ATL2: variants seen among roughly 807,000 people sequenced by gnomAD.
The protein encoded by ATL2 is atlastin GTPase 2, also known as atlastin-2.
ATL2 carries 31 observed loss-of-function variants against 73.9 expected under a neutral mutation model. That is an observed-to-expected ratio of 0.42 (90% CI 0.32 to 0.57). The LOEUF is 0.57. Among genes scored for constraint, ATL2 ranks in the 20% least tolerant of loss-of-function variants. The pLI, the probability that ATL2 is intolerant of heterozygous loss-of-function variation, is 0.14. For missense variants in ATL2, 738 were observed against 702.6 expected, an observed-to-expected ratio of 1.05 and a Z score of -0.57; for synonymous variants, 291 against 237.5, an observed-to-expected ratio of 1.23 and a Z score of -2.07.
chr2:38,321,934 A>G (rs900415578), intron 2 of ATL2, among the ~76,000 whole-genome samples: 1 of 151,996 alleles, frequency 6.6e-6, no homozygotes, highest in Non-Finnish European at 1.5e-5. Flanking sequence ...GCTGATAACA[A>G]TCCATCTTTA....
chr2:38,310,212 G>T lies in ATL2; in HGVS notation c.943+97C>A. The T allele has an allele frequency of 2.9e-6, 4 of 1,366,278 alleles. No homozygotes were observed. In the South Asian group the frequency reaches 3.8e-5, roughly 13 times the overall value. 84.6% of individuals were successfully genotyped at this position (1,366,278 alleles called of 1,614,324 possible). On this transcript the variant is annotated intron_variant, in intron 8 of 12. Transcript: ENST00000378954. ...GAACAATGCATCCAAACATTCTCCA[G>T]TATAAGACAGGACATTTAAGGCGTC...
Position 38,377,160 on chromosome 2 carries a change from G to C in ATL2, c.101C>G (p.Ser34Trp). Residue 34 changes from serine (S) to tryptophan (W), a missense_variant, in exon 1 of 13, where the codon TCG (serine) becomes TGG (tryptophan). Ser to Trp is a radical substitution (Grantham distance 177). Transcript: ENST00000378954. ...GCCCGTACCTAGGGAGGTCGTGGAC[G>C]AGACGTGGTTAACCGCGGCGCTTGG... ...SDPSAAVNHV[S>W]STTSLGENYE... 6.2e-7 allele frequency: 1 copy of C among 1,610,722 alleles called. No individual in the cohort carries two copies. Among genetic ancestry groups the C allele is most frequent in the Non-Finnish European group, 8.5e-7 (1 of 1,179,414 alleles).
chr2:38,369,269 G>A (rs1671525758), intron 1 of ATL2, among the ~76,000 whole-genome samples: 1 of 150,676 alleles, frequency 6.6e-6, no homozygotes, highest in Non-Finnish European at 1.5e-5. Flanking sequence ...GACCAACATA[G>A]TGAAACCCCC....
In ATL2 at chr2:38,294,652, A is replaced by AG. The variant is rs1265638954; in HGVS notation, c.*1341_*1342insC. Among the ~76,000 whole-genome samples the AG allele has an allele frequency of 6.9e-4, 105 of 151,190 alleles. No individual in the cohort carries two copies. The highest frequency in any genetic ancestry group is 1.0e-3 in the Non-Finnish European group (69 of 67,682). On this transcript the variant is annotated 3_prime_UTR_variant, in exon 13 of 13. Transcript: ENST00000378954. ...TTACATATACCACCAAAAAAAAAAAAAGAGAGAGAAAGAAATTAACAATCC... is the reference window on the plus strand; with the variant it reads ...TTACATATACCACCAAAAAAAAAAAAGAGAGAGAGAAAGAAATTAACAATCC...
At chr2:38,362,508 C>T (rs1393188244) in intron 1 of ATL2, among the ~76,000 whole-genome samples, 1 of 152,134 alleles carries the variant, frequency 6.6e-6, no homozygotes, top group Non-Finnish European at 1.5e-5. Flanking sequence ...TTCTTAGACC[C>T]CACCTCCAGA....
At chr2:38,372,046 CTCTAT>C (rs2124502939) in intron 1 of ATL2, among the ~76,000 whole-genome samples, 1 of 151,480 alleles carries the variant, frequency 6.6e-6, no homozygotes, top group South Asian at 2.1e-4. Context: ...CTGTCCATGA[CTCTAT>C]TCTAAAGGAT....
chr2:38,310,629 C>CTTTTT (rs538258408), intron 7 of ATL2, among the ~76,000 whole-genome samples, 182 bp from the exon 8 acceptor site: 3 of 127,302 alleles, frequency 2.4e-5, no homozygotes, highest in Non-Finnish European at 3.3e-5. Flanking sequence ...TAAGACCCCA[C>CTTTTT]TTTTTTTTTT....
In ATL2 at chr2:38,296,074, T is replaced by G; in HGVS notation, c.1672A>C (p.Ile558Leu). The change falls in exon 13 of 13, where the codon ATA becomes CTA. Residue 558 changes from isoleucine (I) to leucine (L), a missense_variant. By Grantham distance (5) the Ile-to-Leu change is conservative. Transcript: ENST00000378954. ...ATAGAGTTTGTTACAGACTGCCTTA[T>G]GTTTTCCTCCATCAAATTATCACCC... The part of the protein sequence containing the change: ...PLGDNLMEEN[I>L]RQSVTNSIKA... The G allele has an allele frequency of 6.4e-7, 1 of 1,551,618 alleles. No individual in the cohort carries two copies. The highest frequency in any genetic ancestry group is 8.7e-7 in the Non-Finnish European group (1 of 1,146,858).
chr2:38,324,824 G>A (rs1668506341), intron 2 of ATL2, among the ~76,000 whole-genome samples: 1 of 152,206 alleles, frequency 6.6e-6, no homozygotes, highest in Admixed American at 6.5e-5. Context: ...CTCATATGAG[G>A]TGCTTAGTCA....
chr2:38,322,496 T>C (rs1163656125), intron 2 of ATL2, among the ~76,000 whole-genome samples: 1 of 152,200 alleles, frequency 6.6e-6, no homozygotes, highest in East Asian at 1.9e-4. Context: ...AATATGATCT[T>C]TGTTATTATT....
At chr2:38,365,925 C>T (rs756925292) in intron 1 of ATL2, among the ~76,000 whole-genome samples, 3 of 151,482 alleles carry the variant, frequency 2.0e-5, no homozygotes, top group Admixed American at 1.3e-4. Flanking sequence ...CCAGCCTGGG[C>T]GACAAGAGCT....
chr2:38,354,232 G>C (rs760714806), intron 1 of ATL2: 10 of 392,900 alleles, frequency 2.5e-5, no homozygotes, highest in Non-Finnish European at 4.0e-5. Flanking sequence ...CATTACATGA[G>C]AGCTATATAA....
intron 9 of ATL2, 107 bp from the exon 10 acceptor site, chr2:38,300,435 T>G: frequency 1.4e-6 from 1 of 716,472 alleles, no homozygotes; most frequent in East Asian, 2.7e-5. Context: ...CCATTAAAAG[T>G]AAATTCTAGG....
At chr2:38,337,770 T>A (rs1299053889) in intron 2 of ATL2, among the ~76,000 whole-genome samples, 1 of 152,152 alleles carries the variant, frequency 6.6e-6, no homozygotes, top group East Asian at 1.9e-4. Flanking sequence ...ATTTATTATA[T>A]TATTGCCTAC....
At chr2:38,297,960 C>T (rs2148398674) in intron 12 of ATL2, 184 bp downstream of exon 12, 1 of 616,732 alleles carries the variant, frequency 1.6e-6, no homozygotes, top group African/African-American at 1.8e-5. Flanking sequence ...AACCAAAGTA[C>T]ATTAAAATTA....
intron 2 of ATL2, among the ~76,000 whole-genome samples, chr2:38,319,610 A>G (rs1434787375): frequency 6.8e-6 from 1 of 146,470 alleles, no homozygotes; most frequent in Non-Finnish European, 1.5e-5. Context: ...AAAACAAAAA[A>G]AAAAAAGAGA....
At chr2:38,325,692 AC>A (rs1668590605) in intron 2 of ATL2, among the ~76,000 whole-genome samples, 2 of 58,566 alleles carry the variant, frequency 3.4e-5, no homozygotes, top group East Asian at 5.3e-4. Context: ...ACACACACAC[AC>A]ACCAGTACAC....
intron 1 of ATL2, chr2:38,376,174 T>C (rs1311829010): frequency 3.3e-6 from 5 of 1,524,304 alleles, no homozygotes; most frequent in African/African-American, 1.4e-5. Context: ...CTTTCTTAAG[T>C]ACCATCAAAA....
In ATL2 at chr2:38,311,553, C is replaced by A. The variant is rs577045673; in HGVS notation, c.805-1106G>T. 2.0e-5 allele frequency among the ~76,000 whole-genome samples: 3 copies of A among 152,230 alleles called. No individual in the cohort carries two copies. The South Asian group carries it at 6.2e-4, about 32-fold the overall frequency. ...AATAAATAAATTAAACTATATGCAA[C>A]ATGGATTAACCTCAGAAACATAATA... On this transcript the variant is annotated intron_variant, in intron 7 of 12. Transcript: ENST00000378954.
Sources: allele counts gnomAD v4.1 joint callset (sites outside exome capture counted in the v4.1 genomes callset), GRCh38; gene constraint gnomAD v4.1.1; transcripts MANE v1.5; gene names NCBI Gene and HGNC (gene_info 2026-07-23, HGNC 2026-07-21).